PTPRG: variants seen among roughly 807,000 people sequenced by gnomAD.
PTPRG encodes the protein protein tyrosine phosphatase receptor type G.
A neutral mutation model predicts 165.3 loss-of-function variants in PTPRG; 102 were observed. The observed-to-expected ratio is 0.62, with a 90% CI of 0.53 to 0.73. PTPRG has a LOEUF of 0.73. Ranked by LOEUF, PTPRG falls within the 30% of genes least tolerant of loss-of-function variation. The pLI is 0.00. For synonymous variants in PTPRG, 675 were observed against 669.5 expected (o/e 1.01, Z -0.13); for missense variants, 1,866 against 1,861.4 (o/e 1.00, Z -0.05).
At chr3:62,215,660 C>T (rs751499632) in intron 12 of PTPRG, among the ~76,000 whole-genome samples, 1 of 151,692 alleles carries the variant, frequency 6.6e-6, no homozygotes, top group Non-Finnish European at 1.5e-5. Flanking sequence ...ACTCAAGAGC[C>T]TTGTCTTCAG....
chr3:62,015,866 G>T (rs1489830566), intron 4 of PTPRG, among the ~76,000 whole-genome samples: 1 of 152,144 alleles, frequency 6.6e-6, no homozygotes, highest in Admixed American at 6.5e-5. Context: ...AGGGCATGCG[G>T]TTTATACTTC....
intron 2 of PTPRG, among the ~76,000 whole-genome samples, chr3:61,943,677 A>G (rs1320058569): frequency 1.3e-5 from 2 of 152,244 alleles, no homozygotes; most frequent in Non-Finnish European, 2.9e-5. Context: ...GGGAGCTTTT[A>G]TCATGTTAAT....
At chr3:61,986,537 C>T (rs1285206529) in intron 2 of PTPRG, among the ~76,000 whole-genome samples, 1 of 152,060 alleles carries the variant, frequency 6.6e-6, no homozygotes, top group African/African-American at 2.4e-5. Flanking sequence ...TATTACATTC[C>T]CTTAGTACTT....
chr3:61,793,776 A>C (rs1000286579), intron 2 of PTPRG, among the ~76,000 whole-genome samples: 1 of 152,042 alleles, frequency 6.6e-6, no homozygotes, highest in African/African-American at 2.4e-5. Context: ...CACTGTCTCC[A>C]CCCCTTGCCA....
intron 4 of PTPRG, among the ~76,000 whole-genome samples, chr3:62,026,956 C>A (rs573417763): frequency 6.7e-6 from 1 of 148,528 alleles, no homozygotes; most frequent in Non-Finnish European, 1.5e-5. Context: ...ATTGATTGTA[C>A]CTGGCAAGAT....
intron 29 of PTPRG, 25 bp from the exon 30 acceptor site, chr3:62,293,135 CA>C: frequency 1.3e-6 from 2 of 1,527,776 alleles, no homozygotes; most frequent in Non-Finnish European, 1.8e-6. Flanking sequence ...TTCTTTGGCT[CA>C]AACTGTCTTC....
At chr3:62,080,341 G>C (rs896161494) in intron 5 of PTPRG, among the ~76,000 whole-genome samples, 2 of 151,934 alleles carry the variant, frequency 1.3e-5, no homozygotes, top group African/African-American at 4.8e-5. Context: ...CTCCCAAAGT[G>C]CTGGGATTAC....
chr3:61,865,465 A>G (rs1350938126), intron 2 of PTPRG, among the ~76,000 whole-genome samples: 9 of 152,188 alleles, frequency 5.9e-5, no homozygotes. Flanking sequence ...TGAAGCTAAG[A>G]TTTGAACTCA....
chr3:62,096,859 T>C (rs1176662601), intron 5 of PTPRG, among the ~76,000 whole-genome samples: 1 of 152,246 alleles, frequency 6.6e-6, no homozygotes, highest in East Asian at 1.9e-4. Context: ...CATTGGGCTT[T>C]AATGCCAAAC....
intron 2 of PTPRG, among the ~76,000 whole-genome samples, chr3:61,889,339 G>A (rs1000868408): frequency 2.2e-4 from 34 of 152,258 alleles, no homozygotes; most frequent in East Asian, 1.2e-3. Context: ...TATTCGGTGG[G>A]TTATAATATA....
chr3:61,724,658 T>C (rs926770881), intron 1 of PTPRG, among the ~76,000 whole-genome samples: 6 of 152,138 alleles, frequency 3.9e-5, no homozygotes, highest in Admixed American at 1.3e-4. Flanking sequence ...CTTTTGGTAT[T>C]ACCACTATTT....
chr3:61,855,622 G>A (rs1164209929), intron 2 of PTPRG, among the ~76,000 whole-genome samples: 1 of 149,454 alleles, frequency 6.7e-6, no homozygotes, highest in East Asian at 1.9e-4. Context: ...GTTTTACTAA[G>A]GGGTATAAAA....
chr3:61,863,494 A>C lies in PTPRG; in HGVS notation c.190+114512A>C, dbSNP rs551147585. Among the ~76,000 whole-genome samples the C allele has an allele frequency of 9.2e-5, 14 of 152,386 alleles. No homozygotes were observed. In the South Asian group the frequency reaches 2.9e-3, roughly 32 times the overall value. ...TGTGTGCGTAGCTGCAGATCCCAGT[A>C]GCCTAGACTTAATTCCTGGCCTTCT... On this transcript the variant is annotated intron_variant, in intron 2 of 29. Coordinates refer to ENST00000474889, the MANE Select transcript of PTPRG (RefSeq NM_002841.4).
chr3:61,781,204 C>T (rs1269506198), intron 2 of PTPRG, among the ~76,000 whole-genome samples: 2 of 152,114 alleles, frequency 1.3e-5, no homozygotes, highest in Non-Finnish European at 2.9e-5. Flanking sequence ...CATCTTTCCA[C>T]CTGCATTAAA....
Position 61,898,529 on chromosome 3 carries a change from G to A in PTPRG, c.191-91096G>A, listed in dbSNP as rs17065560. Among the ~76,000 whole-genome samples, 226 of 152,270 alleles carry A rather than the reference G, an allele frequency of 1.5e-3. 1 individual carries two copies. The highest frequency in any genetic ancestry group is 5.3e-3 in the African/African-American group (222 of 41,546). On this transcript the variant is annotated intron_variant, in intron 2 of 29. Transcript: ENST00000474889. ...AGAAAAGTTGAAGCAGGTTCTATTA[G>A]ATGATACATCAGAATCATCTGAGTT...
chr3:61,808,075 G>A (rs1230860209), intron 2 of PTPRG, among the ~76,000 whole-genome samples: 1 of 152,116 alleles, frequency 6.6e-6, no homozygotes, highest in African/African-American at 2.4e-5. Flanking sequence ...GCACGGAGCT[G>A]ATATTGTTAT....
Position 61,766,472 on chromosome 3 carries a change from G to A in PTPRG, c.190+17490G>A, listed in dbSNP as rs376885597. ...GATTTTGATTCTAACATCTCTAATT[G>A]ATAATCACATTTTCCAGATTTCTAT... On this transcript the variant is annotated intron_variant, in intron 2 of 29. Transcript: ENST00000474889. Among the ~76,000 whole-genome samples, 24 of 152,024 alleles carry A rather than the reference G, an allele frequency of 1.6e-4. No individual in the cohort carries two copies. In the East Asian group the frequency reaches 1.7e-3, roughly 11 times the overall value.
At chr3:61,846,855 C>T (rs1014249341) in intron 2 of PTPRG, among the ~76,000 whole-genome samples, 1 of 152,124 alleles carries the variant, frequency 6.6e-6, no homozygotes, top group African/African-American at 2.4e-5. Flanking sequence ...GTGGAGGTTG[C>T]AGTGAGCTAA....
Position 61,998,475 on chromosome 3 carries a change from C to G in PTPRG, c.371-4874C>G, listed in dbSNP as rs148012109. On this transcript the variant is annotated intron_variant, in intron 3 of 29. Transcript: ENST00000474889. ...CTGTGAAGTAGCTGCTATCTTATTC[C>G]AATTTTACAGAATAGGAACGAAGGC... 2.7e-3 allele frequency among the ~76,000 whole-genome samples: 414 copies of G among 152,292 alleles called. 1 individual carries two copies. Among genetic ancestry groups the G allele is most frequent in the African/African-American group, 9.4e-3 (392 of 41,562 alleles).
Sources: gnomAD v4.1 joint callset for allele counts (sites outside exome capture counted in the v4.1 genomes callset) on GRCh38, gnomAD v4.1.1 for gene constraint, MANE v1.5 for transcripts, NCBI Gene and HGNC (gene_info 2026-07-23, HGNC 2026-07-21) for gene names.